Variants in FRMD4A observed in about 807,000 individuals in gnomAD.
FRMD4A encodes FERM domain-containing protein 4A.
FRMD4A carries 29 observed loss-of-function variants against 129.1 expected under a neutral mutation model. That is an observed-to-expected ratio of 0.22 (90% confidence interval 0.17 to 0.31). FRMD4A has a LOEUF of 0.31. FRMD4A is among the 10% of genes least tolerant of loss of function. FRMD4A has a pLI of 1.00. For missense variants in FRMD4A, 1,272 were observed against 1,375.8 expected, an observed-to-expected ratio of 0.92 and a Z score of 1.19; for synonymous variants, 634 against 571.6, an observed-to-expected ratio of 1.11 and a Z score of -1.56.
rs1042192897 is a variant in FRMD4A at position 13,671,622 on chromosome 10, T to C, written c.1252-1094A>G. Among the ~76,000 whole-genome samples the C allele has an allele frequency of 3.3e-5, 5 of 152,308 alleles. No individual in the cohort carries two copies. In the South Asian group the frequency reaches 1.0e-3, roughly 32 times the overall value. ...CTTCCATGGTGACAGTGATCCTGGT[T>C]AAAGGCTAAGGATCTGGGGGCGATT... On this transcript the variant is annotated intron_variant, in intron 16 of 24. Coordinates refer to ENST00000357447, the MANE Select transcript of FRMD4A (RefSeq NM_018027.5).
chr10:14,049,287 TGAG>T (rs1834145963), intron 2 of FRMD4A, among the ~76,000 whole-genome samples: 1 of 152,190 alleles, frequency 6.6e-6, no homozygotes, highest in African/African-American at 2.4e-5. Context: ...ATTTGGGGGA[TGAG>T]GAGATCATTG....
chr10:14,293,697 CA>C (rs1845920082), intron 2 of FRMD4A, among the ~76,000 whole-genome samples: 1 of 151,878 alleles, frequency 6.6e-6, no homozygotes, highest in African/African-American at 2.4e-5. Context: ...AACATTTTGA[CA>C]TGACTCAAGT....
chr10:14,265,992 A>G (rs1043072108), intron 2 of FRMD4A, among the ~76,000 whole-genome samples: 37 of 152,176 alleles, frequency 2.4e-4, no homozygotes, highest in African/African-American at 8.9e-4. Flanking sequence ...CAAGGTGTCA[A>G]TTGGGCCAAA....
chr10:14,042,090 T>C (rs953704583), intron 2 of FRMD4A, among the ~76,000 whole-genome samples: 2 of 152,218 alleles, frequency 1.3e-5, no homozygotes, highest in African/African-American at 4.8e-5. Flanking sequence ...AAGCAAAATG[T>C]ATTCAAAGAC....
intron 2 of FRMD4A, among the ~76,000 whole-genome samples, chr10:14,314,714 T>C (rs1264968064): frequency 3.3e-5 from 5 of 152,252 alleles, no homozygotes; most frequent in African/African-American, 1.2e-4. Context: ...CTTGAGTTTA[T>C]AGCAATATTC....
chr10:14,114,972 G>A (rs987301248), intron 2 of FRMD4A, among the ~76,000 whole-genome samples: 1 of 152,172 alleles, frequency 6.6e-6, no homozygotes, highest in South Asian at 2.1e-4. Flanking sequence ...GGAGGAGAAA[G>A]AATGGGATAG....
intron 2 of FRMD4A, among the ~76,000 whole-genome samples, chr10:14,000,306 T>C (rs1021386973): frequency 1.3e-5 from 2 of 152,176 alleles, no homozygotes; most frequent in Non-Finnish European, 2.9e-5. Context: ...ATATTCATTA[T>C]GTTAGAGCAG....
intron 2 of FRMD4A, among the ~76,000 whole-genome samples, chr10:14,108,612 C>T (rs1279517294): frequency 1.3e-5 from 2 of 152,144 alleles, no homozygotes; most frequent in Non-Finnish European, 2.9e-5. Flanking sequence ...TTAGGGAGTC[C>T]TGTTTAGCAA....
chr10:14,269,617 G>A (rs1004865226), intron 2 of FRMD4A, among the ~76,000 whole-genome samples: 3 of 152,178 alleles, frequency 2.0e-5, no homozygotes, highest in Middle Eastern at 3.4e-3. Flanking sequence ...TCTAAGGGAT[G>A]CCATGCAATT....
intron 2 of FRMD4A, among the ~76,000 whole-genome samples, chr10:13,869,753 A>G (rs1266724510): frequency 6.6e-6 from 1 of 152,226 alleles, no homozygotes; most frequent in African/African-American, 2.4e-5. Flanking sequence ...TGCCACTGTT[A>G]GAGTGTTTTC....
At chr10:14,170,187 T>C (rs1274872269) in intron 2 of FRMD4A, among the ~76,000 whole-genome samples, 2 of 152,234 alleles carry the variant, frequency 1.3e-5, no homozygotes, top group African/African-American at 4.8e-5. Context: ...TTCAGAATTT[T>C]GACATCTTAC....
intron 6 of FRMD4A, among the ~76,000 whole-genome samples, chr10:13,771,338 G>A (rs534666003): frequency 6.6e-6 from 1 of 152,326 alleles, no homozygotes; most frequent in South Asian, 2.1e-4. Flanking sequence ...CTCCCAAAGT[G>A]CTGGGATTAT....
chr10:13,650,785 A>T (rs1310843486), intron 24 of FRMD4A, among the ~76,000 whole-genome samples: 1 of 152,060 alleles, frequency 6.6e-6, no homozygotes, highest in Non-Finnish European at 1.5e-5. Context: ...CCTCACCCTT[A>T]TCTGTGCATC....
intron 2 of FRMD4A, among the ~76,000 whole-genome samples, chr10:13,974,758 C>A (rs1445737881): frequency 6.6e-6 from 1 of 152,088 alleles, no homozygotes; most frequent in African/African-American, 2.4e-5. Context: ...AACTCTTGAC[C>A]TCAGGTGATC....
At chr10:14,288,684 C>T (rs1014871542) in intron 2 of FRMD4A, among the ~76,000 whole-genome samples, 3 of 152,164 alleles carry the variant, frequency 2.0e-5, no homozygotes, top group East Asian at 1.9e-4. Context: ...AACAATATAG[C>T]TATTGCTACC....
chr10:13,952,865 T>C (rs1387184095), intron 2 of FRMD4A, among the ~76,000 whole-genome samples: 2 of 151,764 alleles, frequency 1.3e-5, no homozygotes, highest in Non-Finnish European at 1.5e-5. Context: ...CTAATTTTTT[T>C]TCGTATTTTT....
At chr10:14,304,869 C>G (rs1846296094) in intron 2 of FRMD4A, among the ~76,000 whole-genome samples, 1 of 152,218 alleles carries the variant, frequency 6.6e-6, no homozygotes, top group Admixed American at 6.5e-5. Flanking sequence ...CTGCATCTCC[C>G]TTGAGCTGGG....
At chr10:13,661,432 C>A (rs2082632027) in intron 19 of FRMD4A, among the ~76,000 whole-genome samples, 1 of 152,042 alleles carries the variant, frequency 6.6e-6, no homozygotes, top group South Asian at 2.1e-4. Context: ...CACATCTGGC[C>A]AGGCAGGGGC....
At chr10:14,001,511 T>C (rs1271603396) in intron 2 of FRMD4A, among the ~76,000 whole-genome samples, 4 of 152,186 alleles carry the variant, frequency 2.6e-5, no homozygotes, top group Non-Finnish European at 5.9e-5. Context: ...GTGGTACCCA[T>C]AGAGACAGCC....
Sources: allele counts gnomAD v4.1 joint callset (sites outside exome capture counted in the v4.1 genomes callset), GRCh38; gene constraint gnomAD v4.1.1; transcripts MANE v1.5; gene names NCBI Gene and HGNC (gene_info 2026-07-23, HGNC 2026-07-21).